KCNH7: variants seen among roughly 807,000 people sequenced by gnomAD.
KCNH7 encodes the protein potassium voltage-gated channel subfamily H member 7, also known as voltage-gated inwardly rectifying potassium channel KCNH7.
A neutral mutation model predicts 120.8 loss-of-function variants in KCNH7; 49 were observed. That is an observed-to-expected ratio of 0.41 (90% CI 0.32 to 0.51). The LOEUF (loss-of-function observed/expected upper bound fraction) is 0.51, where lower values mean the gene tolerates loss of function less well. KCNH7 is among the 20% of genes least tolerant of loss of function. The pLI is 0.38. For synonymous variants in KCNH7, 547 were observed against 516.1 expected, an observed-to-expected ratio of 1.06 and a Z score of -0.81; for missense variants, 1,097 against 1,446.6, an observed-to-expected ratio of 0.76 and a Z score of 3.92.
chr2:162,490,215 C>T (rs559816598), intron 6 of KCNH7, among the ~76,000 whole-genome samples: 1 of 152,328 alleles, frequency 6.6e-6, no homozygotes, highest in South Asian at 2.1e-4. Flanking sequence ...CCCGCAGTGG[C>T]CTAAGGGGCC....
In KCNH7 at chr2:162,371,987, T is replaced by C; in HGVS notation, c.3433A>G (p.Lys1145Glu). 1 of 1,613,858 alleles carries C rather than the reference T, an allele frequency of 6.2e-7. No individual in the cohort carries two copies. Among genetic ancestry groups the C allele is most frequent in the Non-Finnish European group, 8.5e-7 (1 of 1,179,882 alleles). Reference protein sequence around the residue: ...ASEDNLTSLLKQDSDLSLELH... With the variant: ...ASEDNLTSLLEQDSDLSLELH... ...TCTAAAGAGAGATCACTGTCTTGTTTTAAAAGTGAAGTCAAGTTGTCTTCT... is the reference window on the plus strand; with the variant it reads ...TCTAAAGAGAGATCACTGTCTTGTTCTAAAAGTGAAGTCAAGTTGTCTTCT... Residue 1145 changes from lysine (K) to glutamate (E), a missense_variant, in exon 16 of 16, where the codon AAA (lysine) becomes GAA (glutamate). Around this residue, in one of 8 missense-constraint regions of KCNH7, gnomAD observed 406 missense variants for 410.5 expected, o/e 0.99. Coordinates refer to ENST00000332142, the MANE Select transcript of KCNH7 (RefSeq NM_033272.4).
intron 6 of KCNH7, among the ~76,000 whole-genome samples, chr2:162,453,233 G>C (rs1392723736): frequency 6.6e-6 from 1 of 152,092 alleles, no homozygotes; most frequent in African/African-American, 2.4e-5. Flanking sequence ...CTGTTCCTGT[G>C]TTAGTTTGCT....
At chr2:162,375,781 G>A (rs1686146350) in intron 14 of KCNH7, among the ~76,000 whole-genome samples, 1 of 151,652 alleles carries the variant, frequency 6.6e-6, no homozygotes, top group South Asian at 2.1e-4. Flanking sequence ...GTGTGGTGGT[G>A]TGCACCTGTG....
chr2:162,464,468 A>G (rs77089975), intron 6 of KCNH7, among the ~76,000 whole-genome samples: 559 of 152,118 alleles, frequency 3.7e-3, no homozygotes, highest in Middle Eastern at 0.01. Flanking sequence ...ACAAATAGAA[A>G]TCAAGCTAGT....
intron 2 of KCNH7, 67 bp downstream of exon 2, chr2:162,836,470 C>T (rs1354483450): frequency 1.5e-6 from 2 of 1,297,978 alleles, no homozygotes; most frequent in East Asian, 2.4e-5. Flanking sequence ...TGCATATGAA[C>T]TTTTAATAGT....
At chr2:162,686,806 G>A (rs566028941) in intron 2 of KCNH7, among the ~76,000 whole-genome samples, 61 of 152,188 alleles carry the variant, frequency 4.0e-4, no homozygotes, top group Non-Finnish European at 6.6e-4. Context: ...AAGTTCTTGA[G>A]GGTCATCAGT....
intron 8 of KCNH7, among the ~76,000 whole-genome samples, chr2:162,432,766 C>T (rs951963152): frequency 1.3e-5 from 2 of 152,014 alleles, no homozygotes; most frequent in Non-Finnish European, 2.9e-5. Context: ...AGGATGCCCA[C>T]TCTCACTACT....
intron 2 of KCNH7, among the ~76,000 whole-genome samples, chr2:162,736,640 G>T (rs58421989): frequency 0.027 from 4,153 of 152,262 alleles, 150 homozygotes; most frequent in African/African-American, 0.082. Flanking sequence ...AACAGGGATT[G>T]CTGCAATTTA....
Position 162,784,170 on chromosome 2 carries a change from GA to G in KCNH7, c.307+52366del, listed in dbSNP as rs564648218. On this transcript the variant is annotated intron_variant, in intron 2 of 15. Transcript: ENST00000332142. The stretch of plus-strand genomic sequence containing the variant: ...TGGAAGTCTTCAGCAAACTAAAAAT[GA>G]AAAAAAAATATGCTACTTAATACTA... Among the ~76,000 whole-genome samples the G allele has an allele frequency of 1.5e-4, 23 of 150,272 alleles. No homozygotes were observed. In the East Asian group the frequency reaches 2.9e-3, roughly 19 times the overall value.
chr2:162,684,837 C>G (rs375461725), intron 2 of KCNH7, among the ~76,000 whole-genome samples: 16 of 152,224 alleles, frequency 1.1e-4, no homozygotes, highest in African/African-American at 3.6e-4. Flanking sequence ...ACCCAGCAAT[C>G]CCATTACTGG....
chr2:162,486,635 A>T (rs1304040105), intron 6 of KCNH7, among the ~76,000 whole-genome samples: 2 of 152,112 alleles, frequency 1.3e-5, no homozygotes, highest in Non-Finnish European at 2.9e-5. Flanking sequence ...CTATTACCCC[A>T]TGTCTATCTC....
At chr2:162,449,696 C>A (rs1246055637) in intron 6 of KCNH7, among the ~76,000 whole-genome samples, 1 of 151,980 alleles carries the variant, frequency 6.6e-6, no homozygotes, top group Admixed American at 6.6e-5. Context: ...CAAATAGAGA[C>A]AGGCACAGGA....
At chr2:162,573,357 T>C (rs1330257040) in intron 2 of KCNH7, among the ~76,000 whole-genome samples, 1 of 151,958 alleles carries the variant, frequency 6.6e-6, no homozygotes, top group Non-Finnish European at 1.5e-5. Flanking sequence ...GAAGAGAAAC[T>C]ATTAAACATT....
At chr2:162,835,720 A>C (rs945680761) in intron 2 of KCNH7, among the ~76,000 whole-genome samples, 2 of 152,056 alleles carry the variant, frequency 1.3e-5, no homozygotes, top group African/African-American at 4.8e-5. Flanking sequence ...GAGTTCATTT[A>C]CATATATATT....
intron 6 of KCNH7, among the ~76,000 whole-genome samples, chr2:162,469,465 G>A (rs1211295413): frequency 6.6e-6 from 1 of 152,132 alleles, no homozygotes; most frequent in Non-Finnish European, 1.5e-5. Flanking sequence ...ACTACTGTGG[G>A]CCATCTAGGG....
chr2:162,441,816 TAGAG>T (rs911424596), intron 7 of KCNH7, among the ~76,000 whole-genome samples: 2 of 151,946 alleles, frequency 1.3e-5, no homozygotes, highest in Non-Finnish European at 2.9e-5. Flanking sequence ...AATTAGGAAA[TAGAG>T]AATCTTTTTA....
chr2:162,389,589 G>A lies in KCNH7; in HGVS notation c.2711-4650C>T, dbSNP rs537973718. Among the ~76,000 whole-genome samples the A allele has an allele frequency of 3.3e-5, 5 of 152,082 alleles. No homozygotes were observed. In the East Asian group the frequency reaches 9.7e-4, roughly 30 times the overall value. On this transcript the variant is annotated intron_variant, in intron 12 of 15. Transcript: ENST00000332142. ...ATGCCAAATCTGTTGTTTTGGGAGA[G>A]GTGACCTCAGGTGACATCAATGCTT... is the stretch of plus-strand genomic sequence containing the variant.
At chr2:162,430,746 CT>C (rs559144030) in intron 8 of KCNH7, among the ~76,000 whole-genome samples, 11 of 149,242 alleles carry the variant, frequency 7.4e-5, no homozygotes, top group East Asian at 1.9e-4. Flanking sequence ...ACTCCAGTAA[CT>C]TTTTTTTTTA....
At chr2:162,541,224 AT>A (rs1446203618) in intron 2 of KCNH7, among the ~76,000 whole-genome samples, 2 of 152,086 alleles carry the variant, frequency 1.3e-5, no homozygotes, top group South Asian at 4.1e-4. Flanking sequence ...TAGGATACAA[AT>A]TTGGGAACAA....
Sources: allele counts gnomAD v4.1 joint callset (sites outside exome capture counted in the v4.1 genomes callset), GRCh38; gene constraint gnomAD v4.1.1; regional missense constraint gnomAD v4.1.1; transcripts MANE v1.5; gene names NCBI Gene and HGNC (gene_info 2026-07-23, HGNC 2026-07-21).